The following EPHB1 variants were observed in gnomAD, a reference collection of about 807,000 sequenced individuals.
EPHB1 encodes EPH receptor B1.
Under a neutral mutation model 94.4 loss-of-function variants are expected in EPHB1, and 30 were observed. The ratio of observed to expected loss-of-function variants is 0.32; its 90% CI spans 0.24 to 0.43. The LOEUF (loss-of-function observed/expected upper bound fraction) is 0.43. EPHB1 is among the 20% of genes least tolerant of loss of function. The probability of loss-of-function intolerance (pLI) is 1.00; values close to 1 mark genes in which losing one functional copy is unlikely to be tolerated. For synonymous variants in EPHB1, 522 were observed against 489.1 expected (o/e 1.07, Z -0.89); for missense variants, 1,055 against 1,308.3 (o/e 0.81, Z 2.99).
chr3:135,221,101 C>T (rs935752984), intron 12 of EPHB1, among the ~76,000 whole-genome samples: 4 of 152,120 alleles, frequency 2.6e-5, no homozygotes, highest in African/African-American at 7.2e-5. Context: ...AATTGACATC[C>T]CCAATAAAAT....
At chr3:134,920,809 C>A (rs775461681) in intron 1 of EPHB1, among the ~76,000 whole-genome samples, 3 of 152,188 alleles carry the variant, frequency 2.0e-5, no homozygotes, top group Non-Finnish European at 4.4e-5. Flanking sequence ...CCTGGCCCCA[C>A]CATCCGGACC....
chr3:135,052,997 A>ATATG (rs1303078899), intron 3 of EPHB1, among the ~76,000 whole-genome samples: 6 of 100,138 alleles, frequency 6.0e-5, no homozygotes, highest in South Asian at 3.4e-4. Flanking sequence ...GTGTATATAT[A>ATATG]TGTGTGTGTA....
chr3:135,179,271 T>C (rs1942081714), intron 9 of EPHB1, among the ~76,000 whole-genome samples: 1 of 152,210 alleles, frequency 6.6e-6, no homozygotes, highest in African/African-American at 2.4e-5. Flanking sequence ...TGCTCTTTTC[T>C]CTATTAGTAT....
intron 2 of EPHB1, among the ~76,000 whole-genome samples, chr3:134,929,034 A>C (rs2038853498): frequency 6.6e-6 from 1 of 152,176 alleles, no homozygotes; most frequent in Non-Finnish European, 1.5e-5. Flanking sequence ...GAAAGCAGAG[A>C]GGTGAAGAGT....
chr3:135,244,453 C>T (rs1943872321), intron 13 of EPHB1, among the ~76,000 whole-genome samples: 1 of 152,178 alleles, frequency 6.6e-6, no homozygotes, highest in Admixed American at 6.5e-5. Context: ...TTATCTCATC[C>T]TCTTGTGGAC....
intron 7 of EPHB1, among the ~76,000 whole-genome samples, chr3:135,163,495 C>G (rs1030787323): frequency 6.6e-6 from 1 of 152,062 alleles, no homozygotes; most frequent in Admixed American, 6.6e-5. Context: ...GAGAGGTGAG[C>G]CAGTTAATTC....
chr3:134,845,941 C>T (rs2036864530), intron 1 of EPHB1, among the ~76,000 whole-genome samples: 1 of 151,734 alleles, frequency 6.6e-6, no homozygotes, highest in African/African-American at 2.4e-5. Context: ...CACACAGACA[C>T]ATGCTGGGAG....
At chr3:134,984,431 G>T (rs1934520884) in intron 3 of EPHB1, among the ~76,000 whole-genome samples, 1 of 152,360 alleles carries the variant, frequency 6.6e-6, no homozygotes, top group Middle Eastern at 3.4e-3. Flanking sequence ...GGAGAAGGCA[G>T]TGTCCAAAGG....
At chr3:135,168,326 G>A (rs1275542096) in intron 9 of EPHB1, among the ~76,000 whole-genome samples, 8 of 152,200 alleles carry the variant, frequency 5.3e-5, no homozygotes, top group Non-Finnish European at 1.2e-4. Flanking sequence ...AAGTGTGGGG[G>A]CCCTCTAGGC....
chr3:135,166,884 C>T, intron 8 of EPHB1, 58 bp from the exon 9 acceptor site: 1 of 1,598,124 alleles, frequency 6.3e-7, no homozygotes, highest in Non-Finnish European at 8.6e-7. Flanking sequence ...ATGGAGGTAC[C>T]TGGAACAGAC....
chr3:134,913,514 C>T (rs1001305047), intron 1 of EPHB1, among the ~76,000 whole-genome samples: 27 of 152,302 alleles, frequency 1.8e-4, no homozygotes, highest in Admixed American at 1.5e-3. Context: ...GATAATACAG[C>T]GGCTTTCTCA....
At chr3:135,223,630 G>GTATT (rs914633378) in intron 12 of EPHB1, among the ~76,000 whole-genome samples, 3 of 152,106 alleles carry the variant, frequency 2.0e-5, no homozygotes, top group African/African-American at 7.2e-5. Context: ...TTTATTATCC[G>GTATT]TATTTGAAGC....
At chr3:135,022,936 T>C (rs902242038) in intron 3 of EPHB1, among the ~76,000 whole-genome samples, 1 of 152,230 alleles carries the variant, frequency 6.6e-6, no homozygotes, top group African/African-American at 2.4e-5. Flanking sequence ...TCTTGAAGTG[T>C]GTTTGTTGCT....
intron 13 of EPHB1, among the ~76,000 whole-genome samples, chr3:135,242,695 G>A (rs1397184977): frequency 6.6e-6 from 1 of 152,128 alleles, no homozygotes; most frequent in Non-Finnish European, 1.5e-5. Flanking sequence ...AGTAAGCGGT[G>A]GAGTTAGTGC....
At chr3:135,219,446 G>A (rs1943229033) in intron 12 of EPHB1, among the ~76,000 whole-genome samples, 1 of 151,930 alleles carries the variant, frequency 6.6e-6, no homozygotes, top group Admixed American at 6.6e-5. Context: ...AGATGGCCAT[G>A]TGATGGCAGA....
chr3:134,923,160 C>T (rs899628222), intron 1 of EPHB1, among the ~76,000 whole-genome samples: 1 of 152,192 alleles, frequency 6.6e-6, no homozygotes, highest in Non-Finnish European at 1.5e-5. Flanking sequence ...TGCTCCAATG[C>T]TTATGTTCCT....
chr3:134,895,514 G>C (rs189272870), intron 1 of EPHB1, among the ~76,000 whole-genome samples: 20 of 152,336 alleles, frequency 1.3e-4, no homozygotes, highest in Non-Finnish European at 2.5e-4. Context: ...GAAAGCCACA[G>C]CTTTGAAGTG....
At chr3:134,834,336 C>T (rs2036633772) in intron 1 of EPHB1, among the ~76,000 whole-genome samples, 1 of 152,160 alleles carries the variant, frequency 6.6e-6, no homozygotes, top group African/African-American at 2.4e-5. Context: ...CACATGTGAT[C>T]TTCTGATCTG....
rs538515320 is a variant in EPHB1 at position 135,144,129 on chromosome 3, G to A, written c.1298-10023G>A. 2.0e-5 allele frequency among the ~76,000 whole-genome samples: 3 copies of A among 152,284 alleles called. No individual in the cohort carries two copies. In the East Asian group the frequency reaches 5.8e-4, roughly 29 times the overall value. ...AAGGCTCTGGAAATGCAGAGTGCAT[G>A]AGTTGTGGGGAGGGAGCCCTACACT... On this transcript the variant is annotated intron_variant, in intron 5 of 15. Coordinates refer to ENST00000398015, the MANE Select transcript of EPHB1 (RefSeq NM_004441.5).
Sources: allele counts gnomAD v4.1 joint callset (sites outside exome capture counted in the v4.1 genomes callset), GRCh38; gene constraint gnomAD v4.1.1; transcripts MANE v1.5; gene names NCBI Gene and HGNC (gene_info 2026-07-23, HGNC 2026-07-21).